Variants in RALYL observed in about 807,000 individuals in gnomAD.
RALYL encodes RNA-binding Raly-like protein.
RALYL carries 29 observed loss-of-function variants against 35.1 expected under a neutral mutation model. The ratio of observed to expected loss-of-function variants is 0.83; its 90% CI spans 0.61 to 1.13. RALYL has a LOEUF of 1.13. RALYL is among the 50% of genes most tolerant of loss of function. The pLI, the probability that RALYL is intolerant of heterozygous loss-of-function variation, is 0.00. For synonymous variants in RALYL, 120 were observed against 127.6 expected (o/e 0.94, Z 0.40); for missense variants, 359 against 360.4 (o/e 1.00, Z 0.03).
Position 84,248,429 on chromosome 8 carries a change from C to T in RALYL, c.-24+64005C>T, listed in dbSNP as rs535052326. 9.9e-5 allele frequency among the ~76,000 whole-genome samples: 15 copies of T among 152,264 alleles called. No individual in the cohort carries two copies. The South Asian group carries it at 2.7e-3, about 27-fold the overall frequency. On this transcript the variant is annotated intron_variant, in intron 1 of 8. Coordinates refer to ENST00000521268, the MANE Select transcript of RALYL (RefSeq NM_173848.7). ...AGCACTTGATGTGTCCCTCTTAGTA[C>T]ACCTAAGAGCTCTTTGTGGTCAGAA...
At chr8:84,613,422 A>C (rs545661554) in intron 2 of RALYL, among the ~76,000 whole-genome samples, 1 of 151,730 alleles carries the variant, frequency 6.6e-6, no homozygotes, top group East Asian at 1.9e-4. Context: ...TGATAATAAT[A>C]ATGATAACCA....
At chr8:84,330,271 A>G (rs921853262) in intron 1 of RALYL, among the ~76,000 whole-genome samples, 2 of 152,160 alleles carry the variant, frequency 1.3e-5, no homozygotes, top group South Asian at 2.1e-4. Flanking sequence ...TAAACACTCT[A>G]CTGTTTATAA....
intron 1 of RALYL, among the ~76,000 whole-genome samples, chr8:84,392,887 A>G (rs985733692): frequency 2.0e-5 from 3 of 152,084 alleles, no homozygotes; most frequent in Non-Finnish European, 4.4e-5. Flanking sequence ...TATCATCTAC[A>G]TAGAATAATA....
At chr8:84,446,912 A>G (rs1377937071) in intron 1 of RALYL, among the ~76,000 whole-genome samples, 1 of 152,128 alleles carries the variant, frequency 6.6e-6, no homozygotes, top group African/African-American at 2.4e-5. Flanking sequence ...ATGAGAACCA[A>G]AACTGCAATA....
At chr8:84,304,196 C>T (rs1011550362) in intron 1 of RALYL, among the ~76,000 whole-genome samples, 14 of 152,082 alleles carry the variant, frequency 9.2e-5, no homozygotes, top group East Asian at 1.9e-4. Context: ...CAGCTCACTG[C>T]GACCTCCACC....
chr8:84,819,245 CAA>C (rs1563674964), intron 4 of RALYL, among the ~76,000 whole-genome samples: 1 of 152,128 alleles, frequency 6.6e-6, no homozygotes, highest in Non-Finnish European at 1.5e-5. Context: ...GGAGAGTACA[CAA>C]AGTTTCCACA....
intron 5 of RALYL, among the ~76,000 whole-genome samples, chr8:84,851,744 C>G (rs1044048402): frequency 6.6e-6 from 1 of 151,986 alleles, no homozygotes; most frequent in Non-Finnish European, 1.5e-5. Context: ...CTCCTCATAC[C>G]TCCCTACACT....
At chr8:84,847,665 T>G (rs1834949002) in intron 4 of RALYL, among the ~76,000 whole-genome samples, 1 of 152,204 alleles carries the variant, frequency 6.6e-6, no homozygotes. Context: ...ACCATTATTA[T>G]TTTAATAATC....
chr8:84,444,335 G>A (rs1380563408), intron 1 of RALYL, among the ~76,000 whole-genome samples: 1 of 151,694 alleles, frequency 6.6e-6, no homozygotes, highest in Non-Finnish European at 1.5e-5. Context: ...TCAAAGAAAA[G>A]CAAACAAACA....
chr8:84,518,559 C>T (rs1193706925), intron 1 of RALYL, among the ~76,000 whole-genome samples: 1 of 152,182 alleles, frequency 6.6e-6, no homozygotes, highest in Admixed American at 6.5e-5. Flanking sequence ...ATACAGTAGG[C>T]ATTTTCACTG....
At chr8:84,222,947 G>A (rs1822640254) in intron 1 of RALYL, among the ~76,000 whole-genome samples, 1 of 152,134 alleles carries the variant, frequency 6.6e-6, no homozygotes, top group East Asian at 1.9e-4. Context: ...TAGTGCTACT[G>A]CCTGCCACAT....
At chr8:84,321,402 T>C (rs1460535714) in intron 1 of RALYL, among the ~76,000 whole-genome samples, 1 of 152,088 alleles carries the variant, frequency 6.6e-6, no homozygotes, top group Admixed American at 6.6e-5. Context: ...AAGATCTGCT[T>C]ACTTGAAGCA....
chr8:84,919,058 A>AG lies in RALYL; in HGVS notation c.859-1836_859-1835insG, dbSNP rs199991058. 7.4e-3 allele frequency among the ~76,000 whole-genome samples: 1,127 copies of AG among 152,148 alleles called. 8 individuals carry two copies. Among genetic ancestry groups the AG allele is most frequent in the African/African-American group, 0.026 (1,078 of 41,566 alleles). On this transcript the variant is annotated intron_variant, in intron 8 of 8. Coordinates refer to ENST00000521268, the MANE Select transcript of RALYL (RefSeq NM_173848.7). ...TGCTAAACAGTCATTACCTCTTTTGACACATGCAGGATGGTGTAAGAATGT... is the reference window on the plus strand; with the variant it reads ...TGCTAAACAGTCATTACCTCTTTTGAGCACATGCAGGATGGTGTAAGAATGT...
chr8:84,556,339 CTG>C (rs1188870268), intron 2 of RALYL, among the ~76,000 whole-genome samples: 5 of 152,018 alleles, frequency 3.3e-5, no homozygotes, highest in African/African-American at 1.2e-4. Context: ...TAAAATAAAG[CTG>C]TGAGATAAGC....
chr8:84,896,744 C>T (rs1318812402), intron 8 of RALYL, among the ~76,000 whole-genome samples: 1 of 152,154 alleles, frequency 6.6e-6, no homozygotes, highest in Non-Finnish European at 1.5e-5. Flanking sequence ...TGATGCTTTA[C>T]TAAATGTTTG....
chr8:84,406,153 G>A (rs1035346608), intron 1 of RALYL, among the ~76,000 whole-genome samples: 2 of 151,014 alleles, frequency 1.3e-5, no homozygotes, highest in African/African-American at 2.4e-5. Context: ...GTAAGGAACT[G>A]TTATATGTAT....
chr8:84,777,625 CTG>C (rs1461199183), intron 3 of RALYL, among the ~76,000 whole-genome samples: 4 of 151,838 alleles, frequency 2.6e-5, no homozygotes, highest in Non-Finnish European at 5.9e-5. Flanking sequence ...ATCTCTGAGT[CTG>C]TGTTTTGTTT....
At chr8:84,417,786 A>G (rs1248913019) in intron 1 of RALYL, among the ~76,000 whole-genome samples, 2 of 152,036 alleles carry the variant, frequency 1.3e-5, no homozygotes, top group African/African-American at 4.8e-5. Flanking sequence ...CCAATTCTTT[A>G]TTTTCCCTCC....
At chr8:84,767,926 G>A (rs887245590) in intron 2 of RALYL, among the ~76,000 whole-genome samples, 1 of 152,118 alleles carries the variant, frequency 6.6e-6, no homozygotes, top group African/African-American at 2.4e-5. Context: ...TATGCCAAAA[G>A]CATTTATTGG....
Sources: gnomAD v4.1 joint callset for allele counts (sites outside exome capture counted in the v4.1 genomes callset) on GRCh38, gnomAD v4.1.1 for gene constraint, MANE v1.5 for transcripts, NCBI Gene and HGNC (gene_info 2026-07-23, HGNC 2026-07-21) for gene names.